Variants in YWHAQ observed in about 807,000 individuals in gnomAD.
The protein encoded by YWHAQ is tyrosine 3-monooxygenase/tryptophan 5-monooxygenase activation protein theta, also known as 14-3-3 protein theta.
Under a neutral mutation model 28.3 loss-of-function variants are expected in YWHAQ, and 6 were observed. That is an observed-to-expected ratio of 0.21 (90% CI 0.12 to 0.42). The LOEUF is 0.42. Ranked by LOEUF, YWHAQ falls within the 10% of genes least tolerant of loss-of-function variation. The pLI is 1.00. For synonymous variants in YWHAQ, 143 were observed against 119.1 expected (o/e 1.20, Z -1.31); for missense variants, 201 against 305.6 (o/e 0.66, Z 2.55).
At chr2:9,611,280 A>G (rs1666943418) in intron 2 of YWHAQ, among the ~76,000 whole-genome samples, 1 of 152,190 alleles carries the variant, frequency 6.6e-6, no homozygotes, top group African/African-American at 2.4e-5. Flanking sequence ...TTACTAAACA[A>G]TTTAATGATT....
chr2:9,618,405 A>G (rs993235048), intron 2 of YWHAQ, among the ~76,000 whole-genome samples: 9 of 152,216 alleles, frequency 5.9e-5, no homozygotes. Flanking sequence ...GAAAGGAGAT[A>G]AGTTTCCTTA....
chr2:9,623,564 G>C (rs2125074121), intron 2 of YWHAQ, among the ~76,000 whole-genome samples: 1 of 152,140 alleles, frequency 6.6e-6, no homozygotes, highest in African/African-American at 2.4e-5. Flanking sequence ...ACCTGAGGTC[G>C]GGAGTTTGAG....
intron 2 of YWHAQ, among the ~76,000 whole-genome samples, chr2:9,596,873 G>A (rs768979529): frequency 2.6e-5 from 4 of 152,130 alleles, no homozygotes; most frequent in African/African-American, 4.8e-5. Context: ...TCGAACTCCT[G>A]ACCTCAAGGG....
rs529503673 is a variant in YWHAQ, at chr2:9,597,803, T to TA, written c.295-6289dup. ...TAGAAGCAAACCTTTTTTTTTTTTT[T>TA]ATTGAGACAGAGTTTCACTCTTGTT... is the stretch of plus-strand genomic sequence containing the variant. On this transcript the variant is annotated intron_variant, in intron 2 of 5. Coordinates refer to ENST00000238081, the MANE Select transcript of YWHAQ (RefSeq NM_006826.4). Among the ~76,000 whole-genome samples the TA allele has an allele frequency of 5.4e-3, 809 of 150,746 alleles. 4 individuals carry two copies. The highest frequency in any genetic ancestry group is 0.019 in the African/African-American group (768 of 41,100).
intron 2 of YWHAQ, among the ~76,000 whole-genome samples, chr2:9,618,564 T>A (rs537706765): frequency 6.6e-6 from 1 of 152,254 alleles, no homozygotes; most frequent in African/African-American, 2.4e-5. Context: ...TTGAGTGAAG[T>A]GGCAGGAAGA....
chr2:9,598,011 T>TTTTTTTTTTTTG lies in YWHAQ; in HGVS notation c.295-6497_295-6496insCAAAAAAAAAAA, dbSNP rs1397521514. ...TTTTTTTTTTTTTTTTTTTTTTTTTTTTAGTAGAGACAAGGTTTCTCCATG... is the reference window on the plus strand; with the variant it reads ...TTTTTTTTTTTTTTTTTTTTTTTTTTTTTTTTTTTTTGTTAGTAGAGACAAGGTTTCTCCATG... On this transcript the variant is annotated intron_variant, in intron 2 of 5. Coordinates refer to ENST00000238081, the MANE Select transcript of YWHAQ (RefSeq NM_006826.4). Among the ~76,000 whole-genome samples the TTTTTTTTTTTTG allele has an allele frequency of 2.6e-3, 359 of 137,194 alleles. 4 individuals are homozygous for TTTTTTTTTTTTG. Among genetic ancestry groups the TTTTTTTTTTTTG allele is most frequent in the Non-Finnish European group, 4.6e-3 (286 of 62,506 alleles). 90.0% of individuals were successfully genotyped at this position (137,194 alleles called of 152,430 possible). A position where few individuals can be genotyped will look rare whatever the true frequency, so the allele number is the denominator to read the frequency against.
chr2:9,606,669 A>G (rs1666836374), intron 2 of YWHAQ, among the ~76,000 whole-genome samples: 1 of 152,116 alleles, frequency 6.6e-6, no homozygotes, highest in Non-Finnish European at 1.5e-5. Context: ...AGCTGGGATT[A>G]CAGGCACATG....
At chr2:9,614,246 A>G (rs1667003788) in intron 2 of YWHAQ, among the ~76,000 whole-genome samples, 1 of 152,246 alleles carries the variant, frequency 6.6e-6, no homozygotes, top group Non-Finnish European at 1.5e-5. Flanking sequence ...AATCTGCATT[A>G]AAAACAATTA....
rs1371756817 is a variant in YWHAQ at position 9,585,248 on chromosome 2, G to A, written c.*38C>T. ...ATAAGGAATGGAGATGTGTAAAAAGGTTTCTTGAAGGAAAGAAGGATGACA... is the reference window on the plus strand; with the variant it reads ...ATAAGGAATGGAGATGTGTAAAAAGATTTCTTGAAGGAAAGAAGGATGACA... On this transcript the variant is annotated 3_prime_UTR_variant, in exon 6 of 6. Transcript: ENST00000238081. 1.2e-6 allele frequency: 2 copies of A among 1,611,822 alleles called. No individual in the cohort carries two copies. Among genetic ancestry groups the A allele is most frequent in the South Asian group, 2.2e-5 (2 of 91,004 alleles).
intron 2 of YWHAQ, among the ~76,000 whole-genome samples, chr2:9,629,330 A>G (rs1667308864): frequency 1.3e-5 from 2 of 152,216 alleles, no homozygotes; most frequent in African/African-American, 4.8e-5. Flanking sequence ...AGTTTTAAAA[A>G]CTTATCCTAC....
Position 9,584,934 on chromosome 2 carries a change from C to T in YWHAQ, c.*352G>A, listed in dbSNP as rs1666313873. 1 of 205,484 alleles carries T rather than the reference C, an allele frequency of 4.9e-6. No homozygotes were observed. The highest frequency in any genetic ancestry group is 9.8e-6 in the Non-Finnish European group (1 of 101,718). 12.7% of individuals were successfully genotyped at this position (205,484 alleles called of 1,614,324 possible). On this transcript the variant is annotated 3_prime_UTR_variant, in exon 6 of 6. Coordinates refer to ENST00000238081, the MANE Select transcript of YWHAQ (RefSeq NM_006826.4). ...ATACTCTTTAAATTGTAATTAACTACATTTTCTTATTTTCACAGTAATACA... is the reference window on the plus strand; with the variant it reads ...ATACTCTTTAAATTGTAATTAACTATATTTTCTTATTTTCACAGTAATACA...
chr2:9,592,022 T>C (rs938246128), intron 2 of YWHAQ, among the ~76,000 whole-genome samples: 1 of 152,068 alleles, frequency 6.6e-6, no homozygotes, highest in Non-Finnish European at 1.5e-5. Flanking sequence ...GAAAGAGTAT[T>C]TGAGGCATGA....
At chr2:9,600,383 T>C (rs1666666969) in intron 2 of YWHAQ, among the ~76,000 whole-genome samples, 1 of 152,186 alleles carries the variant, frequency 6.6e-6, no homozygotes, top group Admixed American at 6.5e-5. Flanking sequence ...CTAGCTGAGA[T>C]GGCATCAAAC....
At chr2:9,619,822 G>A (rs1455378897) in intron 2 of YWHAQ, among the ~76,000 whole-genome samples, 1 of 152,200 alleles carries the variant, frequency 6.6e-6, no homozygotes, top group Non-Finnish European at 1.5e-5. Flanking sequence ...CCAAATGACT[G>A]GAAACAGTAC....
rs1447214402 is a variant in YWHAQ at position 9,584,730 on chromosome 2, T to TA, written c.*555dup. 1 of 153,006 alleles carries TA rather than the reference T, an allele frequency of 6.5e-6. No individual in the cohort carries two copies. The highest frequency in any genetic ancestry group is 6.5e-5 in the Admixed American group (1 of 15,330). The allele number at this position is 153,006 out of a possible 1,614,324, so 9.5% of individuals were successfully genotyped here. ...AGATACACAAGACCTCCGTATGTGA[T>TA]ACAGGAGCCATTTCAATTTGTGACC... On this transcript the variant is annotated 3_prime_UTR_variant, in exon 6 of 6. Transcript: ENST00000238081.
At chr2:9,619,259 G>A (rs1054916665) in intron 2 of YWHAQ, among the ~76,000 whole-genome samples, 7 of 152,116 alleles carry the variant, frequency 4.6e-5, no homozygotes, top group Non-Finnish European at 7.4e-5. Flanking sequence ...ATCTGTATAA[G>A]AAGGATCACC....
intron 2 of YWHAQ, among the ~76,000 whole-genome samples, chr2:9,611,203 C>A (rs1666940817): frequency 6.6e-6 from 1 of 152,182 alleles, no homozygotes; most frequent in African/African-American, 2.4e-5. Context: ...CAAATCTACC[C>A]CCTACTGTGG....
intron 2 of YWHAQ, among the ~76,000 whole-genome samples, chr2:9,596,476 C>T (rs1308485064): frequency 6.6e-6 from 1 of 152,044 alleles, no homozygotes; most frequent in African/African-American, 2.4e-5. Flanking sequence ...TTATGAAAAG[C>T]CTTAAAATAC....
chr2:9,607,470 G>A (rs1666855118), intron 2 of YWHAQ, among the ~76,000 whole-genome samples: 1 of 151,614 alleles, frequency 6.6e-6, no homozygotes, highest in Non-Finnish European at 1.5e-5. Context: ...GCTTCCCAAA[G>A]TGCTAGGATT....
Sources: gnomAD v4.1 joint callset for allele counts (sites outside exome capture counted in the v4.1 genomes callset) on GRCh38, gnomAD v4.1.1 for gene constraint, MANE v1.5 for transcripts, NCBI Gene and HGNC (gene_info 2026-07-23, HGNC 2026-07-21) for gene names.